TTYH3: variants seen among roughly 807,000 people sequenced by gnomAD.
TTYH3 encodes tweety family member 3, also known as protein tweety homolog 3.
In TTYH3, 23 loss-of-function variants were observed where a neutral mutation model predicts 68.2. The ratio of observed to expected loss-of-function variants is 0.34; its 90% CI spans 0.24 to 0.48. The LOEUF is 0.48. TTYH3 is among the 20% of genes least tolerant of loss of function. The pLI is 0.99. For missense variants in TTYH3, 768 were observed against 727.7 expected, an observed-to-expected ratio of 1.06 and a Z score of -0.64; for synonymous variants, 360 against 332.8, an observed-to-expected ratio of 1.08 and a Z score of -0.89.
At position 2,637,930 on chromosome 7, in the gene TTYH3, G is replaced by C. The variant is rs115183598; in HGVS notation, c.123+5652G>C. 8.2e-3 allele frequency among the ~76,000 whole-genome samples: 1,246 copies of C among 152,308 alleles called. 11 individuals carry two copies. Among genetic ancestry groups the C allele is most frequent in the African/African-American group, 0.024 (994 of 41,572 alleles). On this transcript the variant is annotated intron_variant, in intron 1 of 13. Transcript: ENST00000258796. ...TGGCCGAGGGTGTGGGAGGAAGCCG[G>C]GCCACCCACAGAGTGCCAGTGCCTT...
intron 7 of TTYH3, 25 bp downstream of exon 7, chr7:2,650,013 C>A (rs1562714741): frequency 1.9e-6 from 3 of 1,612,986 alleles, no homozygotes; most frequent in Non-Finnish European, 2.5e-6. Flanking sequence ...ACGGCCGTGT[C>A]CCAGCGGGTT....
At chr7:2,658,182 C>T (rs988631868) in intron 11 of TTYH3, 104 bp from the exon 12 acceptor site, 9 of 1,243,158 alleles carry the variant, frequency 7.2e-6, no homozygotes, top group South Asian at 5.0e-5. Context: ...CGAGCCAGAA[C>T]TGGAACCAGG....
chr7:2,651,081 G>A (rs571583516), intron 7 of TTYH3, among the ~76,000 whole-genome samples: 103 of 152,182 alleles, frequency 6.8e-4, no homozygotes, highest in African/African-American at 2.2e-3. Flanking sequence ...GGAGGTTTGC[G>A]ATGTGTGTCG....
chr7:2,652,873 G>C (rs1583571460), intron 8 of TTYH3, 45 bp from the exon 9 acceptor site: 1 of 1,474,282 alleles, frequency 6.8e-7, no homozygotes, highest in East Asian at 2.5e-5. Flanking sequence ...GGAGAGGCGG[G>C]CGGACCCAGC....
chr7:2,646,599 G>A (rs1785990117), intron 1 of TTYH3, among the ~76,000 whole-genome samples: 1 of 152,224 alleles, frequency 6.6e-6, no homozygotes, highest in Non-Finnish European at 1.5e-5. Context: ...TGGCTATGGA[G>A]TCTTCATGCT....
At chr7:2,646,773 C>T in intron 1 of TTYH3, 80 bp from the exon 2 acceptor site, 1 of 1,441,192 alleles carries the variant, frequency 6.9e-7, no homozygotes, top group Non-Finnish European at 9.3e-7. Context: ...GGAGTCTGCG[C>T]CAGGTCCCCT....
chr7:2,642,437 G>A (rs1288133771), intron 1 of TTYH3, among the ~76,000 whole-genome samples: 4 of 150,304 alleles, frequency 2.7e-5, no homozygotes, highest in Non-Finnish European at 4.4e-5. Flanking sequence ...AGCTACTCAG[G>A]AGGCTAAGGT....
rs1786031158 is a variant in TTYH3, at chr7:2,647,505, C to T, written c.493C>T (p.Leu165=). ...GCAGCTGGCCGGGCGGCCCGAGCCC[C>T]TGCGAGCCGTACAGAGGCTGCAGGG... ...ERQLAGRPEP[L]RAVQRLQGLL... The change falls in exon 4 of 14, where the codon CTG becomes TTG. Residue 165 remains leucine, a synonymous_variant. Transcript: ENST00000258796. The T allele has an allele frequency of 1.3e-6, 2 of 1,542,034 alleles. No individual in the cohort carries two copies. The highest frequency in any genetic ancestry group is 1.7e-6 in the Non-Finnish European group (2 of 1,145,966).
At position 2,649,633 on chromosome 7, in the gene TTYH3, G is replaced by T. The variant is rs1466224494; in HGVS notation, c.789G>T (p.Val263=). The T allele has an allele frequency of 3.8e-6, 6 of 1,599,030 alleles. No homozygotes were observed. In the Admixed American group the frequency reaches 8.5e-5, roughly 23 times the overall value. The part of the protein sequence containing the change: ...SWGALGLELA[V]SVGSSDFCVD... ...GCGCGCTGGGCTTGGAGCTGGCTGTGTCCGTGGTGAGTGGCAGAGGGGGTG... is the reference window on the plus strand; with the variant it reads ...GCGCGCTGGGCTTGGAGCTGGCTGTTTCCGTGGTGAGTGGCAGAGGGGGTG... The change falls in exon 6 of 14, where the codon GTG becomes GTT. Residue 263 remains valine, a synonymous_variant. Coordinates refer to ENST00000258796, the MANE Select transcript of TTYH3 (RefSeq NM_025250.3).
At position 2,649,764 on chromosome 7, in the gene TTYH3, C is replaced by T. The variant is rs911508575; in HGVS notation, c.795+125C>T. 57 of 1,428,470 alleles carry T rather than the reference C, an allele frequency of 4.0e-5. No homozygotes were observed. The African/African-American group carries it at 7.9e-4, about 20-fold the overall frequency. The allele number at this position is 1,428,470 out of a possible 1,614,324, so 88.5% of individuals were successfully genotyped here. ...ACTGGGTCCCGAGAGCGGTGGGGAC[C>T]CACCATGGGCACAGTCCACCTGTAA... On this transcript the variant is annotated intron_variant, in intron 6 of 13. Coordinates refer to ENST00000258796, the MANE Select transcript of TTYH3 (RefSeq NM_025250.3).
chr7:2,658,226 G>A, intron 11 of TTYH3, 60 bp from the exon 12 acceptor site: 1 of 1,452,584 alleles, frequency 6.9e-7, no homozygotes, highest in Non-Finnish European at 9.2e-7. Context: ...ACCCCCATGG[G>A]TCTGTGGCCA....
Position 2,660,186 on chromosome 7 carries a change from C to T in TTYH3, c.1500+1171C>T, listed in dbSNP as rs902511071. On this transcript the variant is annotated intron_variant, in intron 13 of 13. Transcript: ENST00000258796. Reference sequence around the variant, plus strand: ...TTGGCAGGGCCAGCTCTGAGTGCCACGGCTCAGCCAGAGACTTCTAATGCC... The same window carrying T: ...TTGGCAGGGCCAGCTCTGAGTGCCATGGCTCAGCCAGAGACTTCTAATGCC... 2.4e-5 allele frequency: 28 copies of T among 1,150,978 alleles called. 1 individual carries two copies. The highest frequency in any genetic ancestry group is 1.9e-4 in the South Asian group (11 of 59,132). The allele number at this position is 1,150,978 out of a possible 1,614,324, so 71.3% of individuals were successfully genotyped here.
intron 6 of TTYH3, 41 bp downstream of exon 6, chr7:2,649,680 G>T: frequency 6.4e-7 from 1 of 1,570,304 alleles, no homozygotes; most frequent in Non-Finnish European, 8.6e-7. Flanking sequence ...TGCTGGACCT[G>T]GGCACTGGGG....
chr7:2,661,292 G>A (rs1409809207), intron 13 of TTYH3, among the ~76,000 whole-genome samples: 1 of 152,188 alleles, frequency 6.6e-6, no homozygotes, highest in East Asian at 1.9e-4. Context: ...TCCTGGGTGC[G>A]TAAGGTGCAG....
chr7:2,634,646 G>GC (rs1785611559), intron 1 of TTYH3, among the ~76,000 whole-genome samples: 1 of 152,086 alleles, frequency 6.6e-6, no homozygotes, highest in African/African-American at 2.4e-5. Flanking sequence ...GCTATTTCTG[G>GC]CCCCCGTGGT....
At chr7:2,647,795 G>A in intron 4 of TTYH3, 157 bp downstream of exon 4, 1 of 1,069,912 alleles carries the variant, frequency 9.3e-7, no homozygotes, top group Non-Finnish European at 1.4e-6. Context: ...TTCCCCTAAT[G>A]GGAGCCTTTC....
At chr7:2,647,058 A>AGAGGGGGCGGCCC in intron 2 of TTYH3, 36 bp downstream of exon 2, 3 of 1,126,126 alleles carry the variant, frequency 2.7e-6, no homozygotes, top group African/African-American at 3.6e-5. Context: ...GGGCGGGGCC[A>AGAGGGGGCGGCCC]GAGGGGGCGG....
chr7:2,658,836 A>G (rs1041455203), intron 12 of TTYH3, 104 bp from the exon 13 acceptor site: 8 of 1,076,172 alleles, frequency 7.4e-6, no homozygotes, highest in African/African-American at 6.2e-5. Context: ...GTGAGAATGG[A>G]TGTGCCCATC....
In TTYH3 at chr7:2,647,437, G is replaced by A; in HGVS notation, c.425G>A (p.Gly142Glu). ...VQDRVWDTAV[G>E]LNHTAEPSLQ... The stretch of plus-strand genomic sequence containing the variant: ...GCGCAGGTGTGGGACACGGCGGTGG[G>A]GCTGAACCACACGGCGGAGCCCAGC... Residue 142 changes from glycine to glutamate, a missense_variant, in exon 4 of 14, where the codon GGG (glycine) becomes GAG (glutamate). Physicochemically the swap from Gly to Glu is moderately conservative, Grantham distance 98. Coordinates refer to ENST00000258796, the MANE Select transcript of TTYH3 (RefSeq NM_025250.3). 6.6e-7 allele frequency: 1 copy of A among 1,526,532 alleles called. No homozygotes were observed. The highest frequency in any genetic ancestry group is 1.4e-5 in the African/African-American group (1 of 72,816). The allele number at this position is 1,526,532 out of a possible 1,614,324, so 94.6% of individuals were successfully genotyped here.
Sources: allele counts gnomAD v4.1 joint callset (sites outside exome capture counted in the v4.1 genomes callset), GRCh38; gene constraint gnomAD v4.1.1; transcripts MANE v1.5; gene names NCBI Gene and HGNC (gene_info 2026-07-23, HGNC 2026-07-21).